LARS1: variants seen among roughly 807,000 people sequenced by gnomAD.
LARS1 encodes the protein leucyl-tRNA synthetase 1.
In LARS1, 100 loss-of-function variants were observed where a neutral mutation model predicts 162.8. That is an observed-to-expected ratio of 0.61 (90% CI 0.52 to 0.73). The LOEUF is 0.73. Among genes scored for constraint, LARS1 ranks in the 30% least tolerant of loss-of-function variants. The pLI, the probability that LARS1 is intolerant of heterozygous loss-of-function variation, is 0.00. For synonymous variants in LARS1, 457 were observed against 462.8 expected, an observed-to-expected ratio of 0.99 and a Z score of 0.16; for missense variants, 1,258 against 1,408.9, an observed-to-expected ratio of 0.89 and a Z score of 1.71.
chr5:146,144,841 C>T (rs553235412), intron 15 of LARS1, 132 bp from the exon 16 acceptor site: 18 of 727,014 alleles, frequency 2.5e-5, no homozygotes, highest in South Asian at 2.0e-4. Context: ...ATGTCTTGCC[C>T]GCCTTCCCAG....
intron 22 of LARS1, among the ~76,000 whole-genome samples, chr5:146,134,897 C>G (rs1752440248): frequency 6.6e-6 from 1 of 152,178 alleles, no homozygotes; most frequent in African/African-American, 2.4e-5. Context: ...TGCAGTGAGC[C>G]AAGATCATGC....
intron 13 of LARS1, among the ~76,000 whole-genome samples, chr5:146,152,826 T>TAAAG (rs1753354308): frequency 6.6e-6 from 1 of 152,212 alleles, no homozygotes; most frequent in Non-Finnish European, 1.5e-5. Flanking sequence ...GTACAGGACT[T>TAAAG]TGTTAAAGTT....
At chr5:146,145,819 A>G (rs1752982287) in intron 15 of LARS1, among the ~76,000 whole-genome samples, 1 of 152,246 alleles carries the variant, frequency 6.6e-6, no homozygotes, top group African/African-American at 2.4e-5. Flanking sequence ...ATTCCAATAA[A>G]AAGACAACAA....
At chr5:146,158,254 T>C (rs552398866) in intron 8 of LARS1, among the ~76,000 whole-genome samples, 2 of 152,280 alleles carry the variant, frequency 1.3e-5, no homozygotes, top group South Asian at 4.1e-4. Flanking sequence ...ACACACAAGA[T>C]AACAGATGAA....
intron 13 of LARS1, 151 bp from the exon 14 acceptor site, chr5:146,152,153 A>T: frequency 1.2e-6 from 1 of 843,750 alleles, no homozygotes; most frequent in Non-Finnish European, 1.9e-6. Flanking sequence ...TCACAGAGTG[A>T]CTAACTTCCA....
chr5:146,139,807 G>A (rs1427518328), intron 21 of LARS1: 4 of 148,254 alleles, frequency 2.7e-5, no homozygotes, highest in African/African-American at 5.2e-5. Flanking sequence ...CCCAGGGGGC[G>A]GAGCTTGCAG....
intron 10 of LARS1, among the ~76,000 whole-genome samples, chr5:146,156,278 T>C (rs1340670772): frequency 2.0e-5 from 3 of 152,204 alleles, no homozygotes; most frequent in Non-Finnish European, 4.4e-5. Context: ...AGGAATAAAA[T>C]AGTTCAATTT....
intron 29 of LARS1, 76 bp downstream of exon 29, chr5:146,123,906 G>T: frequency 1.5e-6 from 1 of 686,082 alleles, no homozygotes. Context: ...TTATAAAAAG[G>T]TTTATTATAA....
rs201861847 is a variant in LARS1, at chr5:146,153,928, T to C, written c.1118A>G (p.Tyr373Cys). Residue 373 changes from tyrosine (Y) to cysteine (C), a missense_variant, in exon 11 of 32, where the codon TAT becomes TGT. Transcript: ENST00000394434. ...SAPLTSYKVI[Y>C]VLPMLTIKED... ...CTTAATAGTTAGCATTGGGAGAACA[T>C]AGATCACCTTGTATGATGTTAAAGG... 1.9e-6 allele frequency: 3 copies of C among 1,612,190 alleles called. No individual in the cohort carries two copies. Among genetic ancestry groups the C allele is most frequent in the Middle Eastern group, 1.9e-4 (1 of 5,326 alleles).
At chr5:146,120,275 C>G (rs1751756854) in intron 31 of LARS1, 96 bp downstream of exon 31, 8 of 1,287,568 alleles carry the variant, frequency 6.2e-6, no homozygotes, top group African/African-American at 1.5e-5. Flanking sequence ...ACACAGCTGT[C>G]CATAAGCAAG....
intron 21 of LARS1, among the ~76,000 whole-genome samples, chr5:146,136,182 A>C (rs1242339390): frequency 6.6e-6 from 1 of 152,218 alleles, no homozygotes; most frequent in Non-Finnish European, 1.5e-5. Flanking sequence ...ATCGCTTTAA[A>C]ATTGTATGTC....
At chr5:146,129,674 T>C (rs1283478603) in intron 25 of LARS1, among the ~76,000 whole-genome samples, 1 of 151,992 alleles carries the variant, frequency 6.6e-6, no homozygotes, top group Non-Finnish European at 1.5e-5. Context: ...GTCCTATATA[T>C]GCCAGAAGTT....
At chr5:146,168,060 TG>T in intron 5 of LARS1, 67 bp downstream of exon 5, 1 of 1,312,120 alleles carries the variant, frequency 7.6e-7, no homozygotes, top group Non-Finnish European at 1.1e-6. Context: ...GTGCTAGTAC[TG>T]GGAATGCACA....
At chr5:146,153,404 A>C (rs953966898) in intron 12 of LARS1, among the ~76,000 whole-genome samples, 177 bp from the exon 13 acceptor site, 9 of 152,232 alleles carry the variant, frequency 5.9e-5, no homozygotes, top group Admixed American at 5.9e-4. Flanking sequence ...GTAACCTTCA[A>C]AAATTTAATA....
At chr5:146,167,739 C>G in intron 5 of LARS1, among the ~76,000 whole-genome samples, 1 of 149,900 alleles carries the variant, frequency 6.7e-6, no homozygotes, top group East Asian at 2.0e-4. Flanking sequence ...CCATGTTAGC[C>G]AGGATGGTCT....
At position 146,160,486 on chromosome 5, in the gene LARS1, C is replaced by T; in HGVS notation, c.595G>A (p.Val199Ile). 1 of 1,501,746 alleles carries T rather than the reference C, an allele frequency of 6.7e-7. No individual in the cohort carries two copies. Among genetic ancestry groups the T allele is most frequent in the Non-Finnish European group, 8.9e-7 (1 of 1,125,724 alleles). 93.0% of individuals were successfully genotyped at this position (1,501,746 alleles called of 1,614,324 possible). ...IQDLKRMGLK[V>I]DWRRSFITTD... ...GTGATGAAGGAACGACGCCAGTCTACCTATAAAAGGAAAATTTTAAAAGGC... is the reference window on the plus strand; with the variant it reads ...GTGATGAAGGAACGACGCCAGTCTATCTATAAAAGGAAAATTTTAAAAGGC... The change falls in exon 7 of 32, where the codon GTA becomes ATA. Residue 199 changes from valine (V) to isoleucine (I), a missense_variant and splice_region_variant. By Grantham distance (29) the Val-to-Ile change is conservative. Coordinates refer to ENST00000394434, the MANE Select transcript of LARS1 (RefSeq NM_020117.11).
At chr5:146,139,123 C>T (rs1293946789) in intron 21 of LARS1, 1 of 222,810 alleles carries the variant, frequency 4.5e-6, no homozygotes, top group Non-Finnish European at 8.9e-6. Flanking sequence ...CAGGCGATCA[C>T]TTGAGGTCAG....
At chr5:146,149,172 C>T (rs1285641767) in intron 15 of LARS1, among the ~76,000 whole-genome samples, 4 of 152,252 alleles carry the variant, frequency 2.6e-5, no homozygotes, top group African/African-American at 7.2e-5. Flanking sequence ...GAGGAAATTG[C>T]TGCTTTTTTA....
intron 21 of LARS1, chr5:146,139,507 A>T (rs1256047099): frequency 6.6e-6 from 1 of 152,242 alleles, no homozygotes; most frequent in African/African-American, 2.4e-5. Context: ...TACAAATGTT[A>T]CAAATAGGTA....
Sources: allele counts gnomAD v4.1 joint callset (sites outside exome capture counted in the v4.1 genomes callset), GRCh38; gene constraint gnomAD v4.1.1; transcripts MANE v1.5; gene names NCBI Gene and HGNC (gene_info 2026-07-23, HGNC 2026-07-21).